ATP8B3: variants seen among roughly 807,000 people sequenced by gnomAD.
The protein encoded by ATP8B3 is phospholipid-transporting ATPase IK.
Under a neutral mutation model 140.9 loss-of-function variants are expected in ATP8B3, and 141 were observed. The observed-to-expected ratio is 1.00, with a 90% CI of 0.87 to 1.15. The LOEUF (loss-of-function observed/expected upper bound fraction) is 1.15. Ranked by LOEUF, ATP8B3 falls within the 50% of genes most tolerant of loss-of-function variation. The pLI is 0.00. For synonymous variants in ATP8B3, 765 were observed against 714.6 expected (o/e 1.07, Z -1.13); for missense variants, 1,874 against 1,740.6 (o/e 1.08, Z -1.36).
chr19:1,785,156 C>T lies in ATP8B3; in HGVS notation c.3532+3G>A, dbSNP rs369167085. The T allele has an allele frequency of 2.4e-4, 374 of 1,561,752 alleles. 1 individual carries two copies. The highest frequency in any genetic ancestry group is 2.9e-4 in the Non-Finnish European group (339 of 1,155,058). On this transcript the variant is annotated splice_donor_region_variant and intron_variant, in intron 27 of 28. Coordinates refer to ENST00000310127, the MANE Select transcript of ATP8B3 (RefSeq NM_138813.4). ...CCCGTCCCACTTCCCCATGGGGGCT[C>T]ACACAGAAACGGGAAGGTCGTGGGG...
chr19:1,789,212 C>T (rs1482965046), intron 23 of ATP8B3, 92 bp from the exon 24 acceptor site: 7 of 782,550 alleles, frequency 8.9e-6, no homozygotes, highest in Non-Finnish European at 1.3e-5. Context: ...CCTATCAGCC[C>T]CCCCCATCTG....
In ATP8B3 at chr19:1,794,176, C is replaced by T. The variant is rs545691633; in HGVS notation, c.2055+1699G>A. ...CCAAAGTGCTGGGACCACAGGCACG[C>T]GCCACCATGTCTGATTTCCCTTTTG... On this transcript the variant is annotated intron_variant, in intron 18 of 28. Coordinates refer to ENST00000310127, the MANE Select transcript of ATP8B3 (RefSeq NM_138813.4). This position sits in a 1 kb window ranked among gnomAD's most constrained non-coding sequence, Gnocchi z 4.8. Among the ~76,000 whole-genome samples the T allele has an allele frequency of 1.3e-5, 2 of 152,334 alleles. No homozygotes were observed. Among genetic ancestry groups the T allele is most frequent in the South Asian group, 2.1e-4 (1 of 4,832 alleles).
chr19:1,785,198 A>G lies in ATP8B3; in HGVS notation c.3493T>C (p.Trp1165Arg), dbSNP rs1031441219. The G allele has an allele frequency of 4.4e-6, 7 of 1,602,844 alleles. No individual in the cohort carries two copies. The highest frequency in any genetic ancestry group is 4.0e-5 in the African/African-American group (3 of 74,714). ...AIMTTTTQSF[W>R]LFRVSPTTFP... Reference sequence around the variant, plus strand: ...GTCGTGGGGGATACTCTGAAGAGCCAGAAGCTCTGGGTGGTGGTAGTCATG... The same window carrying G: ...GTCGTGGGGGATACTCTGAAGAGCCGGAAGCTCTGGGTGGTGGTAGTCATG... Residue 1165 changes from tryptophan to arginine, a missense_variant, in exon 27 of 29, where the codon TGG (tryptophan) becomes CGG (arginine). Coordinates refer to ENST00000310127, the MANE Select transcript of ATP8B3 (RefSeq NM_138813.4).
In ATP8B3 at chr19:1,784,745, T is replaced by C. The variant is rs527907330; in HGVS notation, c.3660+74A>G. The C allele has an allele frequency of 6.0e-6, 9 of 1,492,840 alleles. No homozygotes were observed. In the East Asian group the frequency reaches 1.5e-4, roughly 24 times the overall value. The allele number at this position is 1,492,840 out of a possible 1,614,324, so 92.5% of individuals were successfully genotyped here. A position where few individuals can be genotyped will look rare whatever the true frequency, so the allele number is the denominator to read the frequency against. On this transcript the variant is annotated intron_variant, in intron 28 of 28. Coordinates refer to ENST00000310127, the MANE Select transcript of ATP8B3 (RefSeq NM_138813.4). Reference sequence around the variant, plus strand: ...AGGGGCCGGGACACCTTGCAGTCCCTACGCCCTGCACGGCTCCCCAACCAG... The same window carrying C: ...AGGGGCCGGGACACCTTGCAGTCCCCACGCCCTGCACGGCTCCCCAACCAG...
Position 1,807,182 on chromosome 19 carries a change from G to C in ATP8B3, c.601C>G (p.Leu201Val), listed in dbSNP as rs2069051732. The C allele has an allele frequency of 6.2e-7, 1 of 1,612,184 alleles. No homozygotes were observed. The highest frequency in any genetic ancestry group is 1.1e-5 in the South Asian group (1 of 91,068). The change falls in exon 6 of 29, where the codon CTG becomes GTG. Residue 201 changes from leucine (L) to valine (V), a missense_variant. Physicochemically the swap from Leu to Val is conservative, Grantham distance 32 (BLOSUM62 1). Around this residue, in one of 3 missense-constraint regions of ATP8B3, gnomAD observed 1,032 missense variants for 963.6 expected, o/e 1.07. Coordinates refer to ENST00000310127, the MANE Select transcript of ATP8B3 (RefSeq NM_138813.4). The surrounding 1 kb of genome is among the most constrained non-coding windows in gnomAD (Gnocchi z 5.9). The part of the protein sequence containing the change: ...CLLFIRATRD[L>V]VDDMGRHKSD... ...ACAGCACTCACCATGTCGTCCACCAGGTCCCGGGTGGCACGGATGAAGAGG... is the reference window on the plus strand; with the variant it reads ...ACAGCACTCACCATGTCGTCCACCACGTCCCGGGTGGCACGGATGAAGAGG...
At position 1,805,463 on chromosome 19, in the gene ATP8B3, A is replaced by T; in HGVS notation, c.822-7T>A. The T allele has an allele frequency of 6.4e-7, 1 of 1,556,562 alleles. No homozygotes were observed. The highest frequency in any genetic ancestry group is 8.7e-7 in the Non-Finnish European group (1 of 1,147,922). Reference sequence around the variant, plus strand: ...GAACTTCAAGTTGGTCTCCCTGGTGACGAGGAGAGGAGGGAGGTGAAAGTG... The same window carrying T: ...GAACTTCAAGTTGGTCTCCCTGGTGTCGAGGAGAGGAGGGAGGTGAAAGTG... On this transcript the variant is annotated splice_polypyrimidine_tract_variant and splice_region_variant and intron_variant, in intron 9 of 28. Transcript: ENST00000310127. The surrounding 1 kb of genome is among the most constrained non-coding windows in gnomAD (Gnocchi z 5.2).
Position 1,787,125 on chromosome 19 carries a change from A to G in ATP8B3, c.3131T>C (p.Leu1044Pro). The G allele has an allele frequency of 6.2e-7, 1 of 1,609,002 alleles. No homozygotes were observed. Among genetic ancestry groups the G allele is most frequent in the Non-Finnish European group, 8.5e-7 (1 of 1,177,578 alleles). ...CACCTGCTCAAAGAGCCCAATGTAGAGAACTGGCAGGGTGCTGTACAGGAG... is the reference window on the plus strand; with the variant it reads ...CACCTGCTCAAAGAGCCCAATGTAGGGAACTGGCAGGGTGCTGTACAGGAG... ...FNLLYSTLPV[L>P]YIGLFEQDVS... Residue 1044 changes from leucine (L) to proline (P), a missense_variant, in exon 25 of 29, where the codon CTC becomes CCC. By Grantham distance (98) the Leu-to-Pro change is moderately conservative. This residue lies in a region of ATP8B3 where 840 missense variants were observed against 760.9 expected (regional missense o/e 1.10). Coordinates refer to ENST00000310127, the MANE Select transcript of ATP8B3 (RefSeq NM_138813.4).
At chr19:1,799,314 AT>A (rs2068769679) in intron 14 of ATP8B3, 1 of 151,646 alleles carries the variant, frequency 6.6e-6, no homozygotes, top group African/African-American at 2.4e-5. Context: ...AAATACAAAA[AT>A]TAGCCAGGCG....
intron 12 of ATP8B3, among the ~76,000 whole-genome samples, chr19:1,801,618 G>C (rs911094976): frequency 6.6e-6 from 1 of 152,032 alleles, no homozygotes; most frequent in South Asian, 2.1e-4. Context: ...CAGGCGTGGC[G>C]GCGTGCACCT....
At position 1,800,488 on chromosome 19, in the gene ATP8B3, G is replaced by A; in HGVS notation, c.1153-39C>T. ...GCGACAGGGTGGGTGAGGGGGGCGGGGGTCCCCCACTCTGCCATCAGGATG... is the reference window on the plus strand; with the variant it reads ...GCGACAGGGTGGGTGAGGGGGGCGGAGGTCCCCCACTCTGCCATCAGGATG... On this transcript the variant is annotated intron_variant, in intron 12 of 28. Coordinates refer to ENST00000310127, the MANE Select transcript of ATP8B3 (RefSeq NM_138813.4). This position sits in a 1 kb window ranked among gnomAD's most constrained non-coding sequence, Gnocchi z 4.4. The A allele has an allele frequency of 6.4e-7, 1 of 1,556,734 alleles. No individual in the cohort carries two copies. Among genetic ancestry groups the A allele is most frequent in the Non-Finnish European group, 8.8e-7 (1 of 1,135,496 alleles).
rs1046106054 is a variant in ATP8B3 at position 1,812,011 on chromosome 19, C to T, written c.-148-127G>A. 1.7e-5 allele frequency: 8 copies of T among 469,126 alleles called. No individual in the cohort carries two copies. The Admixed American group carries it at 2.3e-4, about 13-fold the overall frequency. The allele number at this position is 469,126 out of a possible 1,614,324, so 29.1% of individuals were successfully genotyped here. On this transcript the variant is annotated intron_variant, in intron 1 of 28. Transcript: ENST00000310127. ...CGCAGGGGCACAGGACCGCCCTGGA[C>T]AGGGCTCCAGAGTCCAGGGCTGTCT...
chr19:1,797,148 C>T (rs1456213320), intron 14 of ATP8B3, 143 bp from the exon 15 acceptor site: 21 of 1,325,718 alleles, frequency 1.6e-5, no homozygotes, highest in Non-Finnish European at 2.1e-5. Flanking sequence ...ACCGACACCC[C>T]GAGCAATCTT....
rs2145205774 is a variant in ATP8B3, at chr19:1,806,220, C to T, written c.678-51G>A. On this transcript the variant is annotated intron_variant, in intron 7 of 28. Transcript: ENST00000310127. This position sits in a 1 kb window ranked among gnomAD's most constrained non-coding sequence, Gnocchi z 5.6. The stretch of plus-strand genomic sequence containing the variant: ...AGGCCCCTCCCTCTGCCAACCCTCC[C>T]CACACCGGGAGACCAGAGGCACGGG... 1 of 1,550,316 alleles carries T rather than the reference C, an allele frequency of 6.5e-7. No homozygotes were observed. Among genetic ancestry groups the T allele is most frequent in the East Asian group, 2.4e-5 (1 of 41,094 alleles).
Position 1,782,886 on chromosome 19 carries a change from G to T in ATP8B3, c.*142C>A. On this transcript the variant is annotated 3_prime_UTR_variant, in exon 29 of 29. Coordinates refer to ENST00000310127, the MANE Select transcript of ATP8B3 (RefSeq NM_138813.4). ...GTGAGCACATATTTGGGGAGGGCAG[G>T]TTGGTTTTCTGGATGAAGAGCGGAT... 1.8e-6 allele frequency: 2 copies of T among 1,135,210 alleles called. No individual in the cohort carries two copies. The highest frequency in any genetic ancestry group is 2.5e-6 in the Non-Finnish European group (2 of 813,830). 70.3% of individuals were successfully genotyped at this position (1,135,210 alleles called of 1,614,324 possible).
intron 14 of ATP8B3, among the ~76,000 whole-genome samples, chr19:1,797,643 G>A (rs943160105): frequency 6.6e-6 from 1 of 151,714 alleles, no homozygotes; most frequent in Non-Finnish European, 1.5e-5. Flanking sequence ...GGGATTACAA[G>A]CTCATGTCAC....
rs1253051679 is a variant in ATP8B3, at chr19:1,806,315, T to C, written c.678-146A>G. 4.8e-6 allele frequency: 7 copies of C among 1,472,140 alleles called. No individual in the cohort carries two copies. The South Asian group carries it at 5.4e-5, about 11-fold the overall frequency. 91.2% of individuals were successfully genotyped at this position (1,472,140 alleles called of 1,614,324 possible). A position where few individuals can be genotyped will look rare whatever the true frequency, so the allele number is the denominator to read the frequency against. The stretch of plus-strand genomic sequence containing the variant: ...CCCCCTCAGGAAGCCTTCCCCGGGC[T>C]CCCACCCCACTCCCCGCGGGTCCAC... On this transcript the variant is annotated intron_variant, in intron 7 of 28. Transcript: ENST00000310127. This position sits in a 1 kb window ranked among gnomAD's most constrained non-coding sequence, Gnocchi z 5.6.
chr19:1,802,667 G>T, intron 10 of ATP8B3, 22 bp from the exon 11 acceptor site: 1 of 1,599,058 alleles, frequency 6.3e-7, no homozygotes, highest in South Asian at 1.1e-5. Flanking sequence ...CAGGTGGTCA[G>T]TGGGTCAGTG....
rs889834534 is a variant in ATP8B3 at position 1,796,618 on chromosome 19, C to T, written c.1753+93G>A. On this transcript the variant is annotated intron_variant, in intron 16 of 28. Transcript: ENST00000310127. ...GCGCCCCCCAAGCCAGCTGAAAGCC[C>T]TGGAAGATGGGCCGGGTGAGCTGCG... 1.8e-5 allele frequency: 27 copies of T among 1,478,202 alleles called. No homozygotes were observed. The Admixed American group carries it at 4.0e-4, about 22-fold the overall frequency. The allele number at this position is 1,478,202 out of a possible 1,614,324, so 91.6% of individuals were successfully genotyped here.
intron 19 of ATP8B3, 44 bp downstream of exon 19, chr19:1,791,957 C>CCCCG (rs2068524481): frequency 7.1e-6 from 11 of 1,560,026 alleles, no homozygotes; most frequent in Non-Finnish European, 8.7e-6. Context: ...TGGGTGCCCC[C>CCCCG]GCTGCCCACC....
Sources: gnomAD v4.1 joint callset for allele counts (sites outside exome capture counted in the v4.1 genomes callset) on GRCh38, gnomAD v4.1.1 for gene constraint, gnomAD v4.1.1 regional missense constraint, Gnocchi (gnomAD v3.1) non-coding constraint, MANE v1.5 for transcripts, NCBI Gene and HGNC (gene_info 2026-07-23, HGNC 2026-07-21) for gene names.